The following ETS1 variants were observed in gnomAD, a reference collection of about 807,000 sequenced individuals.
The protein encoded by ETS1 is protein C-ets-1.
Under a neutral mutation model 58.6 loss-of-function variants are expected in ETS1, and 15 were observed. That is an observed-to-expected ratio of 0.26 (90% confidence interval 0.17 to 0.39). ETS1 has a LOEUF of 0.39. Ranked by LOEUF, ETS1 falls within the 10% of genes least tolerant of loss-of-function variation. The pLI is 1.00. For synonymous variants in ETS1, 214 were observed against 218.2 expected (o/e 0.98, Z 0.17); for missense variants, 417 against 610.5 (o/e 0.68, Z 3.34).
chr11:128,521,862 C>A, intron 3 of ETS1: 1 of 1,517,650 alleles, frequency 6.6e-7, no homozygotes, highest in Non-Finnish European at 8.9e-7. Context: ...CCAGGGGACC[C>A]CCGGCCTCTG....
At chr11:128,540,687 C>T (rs777910102) in intron 3 of ETS1, among the ~76,000 whole-genome samples, 3 of 152,104 alleles carry the variant, frequency 2.0e-5, no homozygotes, top group South Asian at 2.1e-4. Flanking sequence ...AGAGGCTGCC[C>T]GGGAAACTCC....
chr11:128,582,005 G>T (rs1481013924), intron 1 of ETS1, among the ~76,000 whole-genome samples: 2 of 152,146 alleles, frequency 1.3e-5, no homozygotes, highest in East Asian at 3.8e-4. Flanking sequence ...TGATTTTCAT[G>T]GTGGAGTTTC....
intron 3 of ETS1, among the ~76,000 whole-genome samples, chr11:128,548,942 T>TA (rs1454965031): frequency 1.3e-5 from 2 of 151,156 alleles, no homozygotes; most frequent in African/African-American, 4.9e-5. Flanking sequence ...CTCTCTGAAA[T>TA]AAAAAATCTG....
intron 3 of ETS1, among the ~76,000 whole-genome samples, chr11:128,525,426 C>G (rs1863781973): frequency 1.3e-5 from 2 of 152,058 alleles, no homozygotes; most frequent in South Asian, 4.1e-4. Context: ...GACAGACTTT[C>G]CCTCTCCAGA....
rs144599251 is a variant in ETS1 at position 128,515,425 on chromosome 11, C to G, written c.215-24849G>C. Among the ~76,000 whole-genome samples, 225 of 152,220 alleles carry G rather than the reference C, an allele frequency of 1.5e-3. 1 individual carries two copies. Among genetic ancestry groups the G allele is most frequent in the African/African-American group, 5.2e-3 (215 of 41,520 alleles). ...GAGGTTGATTTGGGTTTCTCAGACA[C>G]TGAGAAACAAATTTAAAATATAATC... On this transcript the variant is annotated intron_variant, in intron 3 of 9. Transcript: ENST00000392668.
intron 3 of ETS1, among the ~76,000 whole-genome samples, chr11:128,554,282 G>A (rs1864280071): frequency 6.6e-6 from 1 of 152,270 alleles, no homozygotes; most frequent in Admixed American, 6.5e-5. Context: ...GCCACACCCC[G>A]ATGGAAGCTG....
intron 2 of ETS1, among the ~76,000 whole-genome samples, chr11:128,569,240 C>T (rs1864570574): frequency 6.7e-6 from 1 of 149,326 alleles, no homozygotes; most frequent in South Asian, 2.1e-4. Context: ...GGGACAAAAG[C>T]ACCCCCTACT....
intron 3 of ETS1, among the ~76,000 whole-genome samples, chr11:128,521,517 G>C (rs1203951890): frequency 6.6e-6 from 1 of 152,140 alleles, no homozygotes; most frequent in Non-Finnish European, 1.5e-5. Flanking sequence ...CAGTTCTATG[G>C]GGGACGTGGA....
At chr11:128,543,378 C>T (rs1864084955) in intron 3 of ETS1, among the ~76,000 whole-genome samples, 2 of 152,154 alleles carry the variant, frequency 1.3e-5, no homozygotes, top group Non-Finnish European at 2.9e-5. Context: ...TGCAGCAGAA[C>T]TTTCCCTTCT....
chr11:128,508,712 A>G (rs1863308643), intron 3 of ETS1, among the ~76,000 whole-genome samples: 1 of 152,236 alleles, frequency 6.6e-6, no homozygotes, highest in Non-Finnish European at 1.5e-5. Flanking sequence ...TATAAGAACC[A>G]AGAACCAATT....
At chr11:128,497,343 CAA>C in intron 3 of ETS1, among the ~76,000 whole-genome samples, 1 of 152,270 alleles carries the variant, frequency 6.6e-6, no homozygotes, top group East Asian at 1.9e-4. Flanking sequence ...TGCCCTAAGA[CAA>C]AAGAGATGGT....
Position 128,532,402 on chromosome 11 carries a change from G to T in ETS1, c.214+23889C>A, listed in dbSNP as rs114049684. Among the ~76,000 whole-genome samples, 1,327 of 152,234 alleles carry T rather than the reference G, an allele frequency of 8.7e-3. 14 individuals are homozygous for T. The highest frequency in any genetic ancestry group is 0.03 in the African/African-American group (1,254 of 41,530). On this transcript the variant is annotated intron_variant, in intron 3 of 9. Coordinates refer to ENST00000392668, the MANE Select transcript of ETS1 (RefSeq NM_001143820.2). ...TAATCTGCATTCTGGCACTACCATTGCCTGGCACCCAGCCATTAAGCCTGG... is the reference window on the plus strand; with the variant it reads ...TAATCTGCATTCTGGCACTACCATTTCCTGGCACCCAGCCATTAAGCCTGG...
At chr11:128,544,445 G>A (rs1864102850) in intron 3 of ETS1, among the ~76,000 whole-genome samples, 1 of 149,940 alleles carries the variant, frequency 6.7e-6, no homozygotes. Flanking sequence ...GGGAAATGTG[G>A]ATAAATGTAC....
At chr11:128,544,793 T>C (rs1246215513) in intron 3 of ETS1, among the ~76,000 whole-genome samples, 1 of 152,132 alleles carries the variant, frequency 6.6e-6, no homozygotes, top group Non-Finnish European at 1.5e-5. Context: ...ACACTGCACT[T>C]TTAAAAGCCT....
chr11:128,524,028 G>T (rs962364241), intron 3 of ETS1, among the ~76,000 whole-genome samples: 1 of 152,128 alleles, frequency 6.6e-6, no homozygotes, highest in Non-Finnish European at 1.5e-5. Flanking sequence ...TGTTGATGTT[G>T]TATTGAGAAA....
At chr11:128,501,862 T>C (rs553044689) in intron 3 of ETS1, among the ~76,000 whole-genome samples, 14 of 152,330 alleles carry the variant, frequency 9.2e-5, no homozygotes, top group African/African-American at 2.6e-4. Context: ...CAATATTCAG[T>C]TGGTCTCCCA....
chr11:128,520,583 G>A (rs922213498), intron 3 of ETS1, among the ~76,000 whole-genome samples: 3 of 152,174 alleles, frequency 2.0e-5, no homozygotes, highest in Non-Finnish European at 4.4e-5. Flanking sequence ...TTTCTGAATT[G>A]TAGGCCTAAG....
intron 2 of ETS1, among the ~76,000 whole-genome samples, chr11:128,559,843 C>T (rs1864376508): frequency 6.6e-6 from 1 of 152,216 alleles, no homozygotes; most frequent in South Asian, 2.1e-4. Flanking sequence ...GAAATCTGGG[C>T]AGCCCAGCCC....
intron 2 of ETS1, among the ~76,000 whole-genome samples, chr11:128,568,166 T>C (rs1212768038): frequency 6.6e-6 from 1 of 152,146 alleles, no homozygotes; most frequent in East Asian, 1.9e-4. Flanking sequence ...TCCTTTCCTC[T>C]GTACAGCCCA....
Sources: gnomAD v4.1 joint callset for allele counts (sites outside exome capture counted in the v4.1 genomes callset) on GRCh38, gnomAD v4.1.1 for gene constraint, MANE v1.5 for transcripts, NCBI Gene and HGNC (gene_info 2026-07-23, HGNC 2026-07-21) for gene names.